RETSAT: variants seen among roughly 807,000 people sequenced by gnomAD.
The protein encoded by RETSAT is all-trans-retinol 13,14-reductase.
Under a neutral mutation model 61.6 loss-of-function variants are expected in RETSAT, and 35 were observed. The observed-to-expected ratio is 0.57, with a 90% CI of 0.43 to 0.75. RETSAT has a LOEUF of 0.75. Ranked by LOEUF, RETSAT falls within the 30% of genes least tolerant of loss-of-function variation. The pLI, the probability that RETSAT is intolerant of heterozygous loss-of-function variation, is 0.00. For synonymous variants in RETSAT, 277 were observed against 310.4 expected (o/e 0.89, Z 1.13); for missense variants, 670 against 759.5 (o/e 0.88, Z 1.38).
chr2:85,348,163 T>C lies in RETSAT; in HGVS notation c.997+1221A>G, dbSNP rs1456357123. Among the ~76,000 whole-genome samples, 5 of 152,260 alleles carry C rather than the reference T, an allele frequency of 3.3e-5. No homozygotes were observed. In the East Asian group the frequency reaches 9.6e-4, roughly 29 times the overall value. ...ACAGCATCAACCTGAGCCAGGGTAA[T>C]AACGTTCTGGGCCCCACTTTACAGA... On this transcript the variant is annotated intron_variant, in intron 5 of 10. Coordinates refer to ENST00000295802, the MANE Select transcript of RETSAT (RefSeq NM_017750.4).
At position 85,343,740 on chromosome 2, in the gene RETSAT, C is replaced by A; in HGVS notation, c.1592G>T (p.Arg531Leu). 6.2e-7 allele frequency: 1 copy of A among 1,614,022 alleles called. No homozygotes were observed. The highest frequency in any genetic ancestry group is 8.5e-7 in the Non-Finnish European group (1 of 1,179,884). The change falls in exon 10 of 11, where the codon CGA (arginine) becomes CTA (leucine). Residue 531 changes from arginine (R) to leucine (L), a missense_variant. Coordinates refer to ENST00000295802, the MANE Select transcript of RETSAT (RefSeq NM_017750.4). Reference protein sequence around the residue: ...LTNQFYLAAPRGACYGADHDL... With the variant: ...LTNQFYLAAPLGACYGADHDL... ...ATGGTCAGCCCCGTAGCAGGCACCT[C>A]GGGGAGCAGCCAGATAGAACTGGTT...
rs1206044963 is a variant in RETSAT at position 85,349,427 on chromosome 2, G to A, written c.954C>T (p.Ala318=). The change falls in exon 5 of 11, where the codon GCC becomes GCT. Residue 318 remains alanine, a synonymous_variant. Transcript: ENST00000295802. ...QRAGGAVLTK[A]TVQSVLLDSA... Reference sequence around the variant, plus strand: ...AGTCCAGCAACACACTCTGCACAGTGGCCTTTGTGAGGACAGCGCCCCCAG... The same window carrying A: ...AGTCCAGCAACACACTCTGCACAGTAGCCTTTGTGAGGACAGCGCCCCCAG... The A allele has an allele frequency of 6.2e-7, 1 of 1,614,188 alleles. No homozygotes were observed.
chr2:85,343,806 C>A lies in RETSAT; in HGVS notation c.1534-8G>T. Reference sequence around the variant, plus strand: ...TGCAGTCACACTCTCCACCTGAGGGCAGAAAGGGTGGGGCAGGCATGTGAG... The same window carrying A: ...TGCAGTCACACTCTCCACCTGAGGGAAGAAAGGGTGGGGCAGGCATGTGAG... On this transcript the variant is annotated splice_polypyrimidine_tract_variant and splice_region_variant and intron_variant, in intron 9 of 10. Coordinates refer to ENST00000295802, the MANE Select transcript of RETSAT (RefSeq NM_017750.4). 1.9e-6 allele frequency: 3 copies of A among 1,613,460 alleles called. No individual in the cohort carries two copies. The highest frequency in any genetic ancestry group is 8.5e-7 in the Non-Finnish European group (1 of 1,179,644).
chr2:85,354,429 C>T lies in RETSAT; in HGVS notation c.79G>A (p.Gly27Ser), dbSNP rs768015251. Residue 27 changes from glycine (G) to serine (S), a missense_variant, in exon 1 of 11, where the codon GGC (glycine) becomes AGC (serine). Gly to Ser is a moderately conservative substitution (Grantham distance 56). Coordinates refer to ENST00000295802, the MANE Select transcript of RETSAT (RefSeq NM_017750.4). ...LCKVYLGLFSGSSPNPFSEDV... is the reference protein window; with the variant it reads ...LCKVYLGLFSSSSPNPFSEDV... ...TCGGAGAAAGGATTCGGGGAGCTGC[C>T]AGAGAATAGTCCCAAGTAAACTTTG... 2 of 1,614,068 alleles carry T rather than the reference C, an allele frequency of 1.2e-6. No individual in the cohort carries two copies. Among genetic ancestry groups the T allele is most frequent in the African/African-American group, 2.7e-5 (2 of 74,932 alleles).
chr2:85,347,598 C>T (rs1237009968), intron 5 of RETSAT, among the ~76,000 whole-genome samples: 1 of 151,994 alleles, frequency 6.6e-6, no homozygotes, highest in Non-Finnish European at 1.5e-5. Context: ...GAACTCCCAA[C>T]CTCAGGTGAT....
intron 5 of RETSAT, among the ~76,000 whole-genome samples, chr2:85,347,363 G>T (rs922255280): frequency 6.6e-6 from 1 of 152,128 alleles, no homozygotes; most frequent in Non-Finnish European, 1.5e-5. Context: ...CAAGTAGCTA[G>T]GATTACAGGC....
intron 1 of RETSAT, among the ~76,000 whole-genome samples, chr2:85,353,631 T>A (rs1228574891): frequency 1.3e-5 from 2 of 152,246 alleles, no homozygotes; most frequent in Non-Finnish European, 2.9e-5. Flanking sequence ...AGATGATTAG[T>A]CCTTCCACTT....
chr2:85,347,821 A>G (rs1683226632), intron 5 of RETSAT, among the ~76,000 whole-genome samples: 1 of 152,212 alleles, frequency 6.6e-6, no homozygotes, highest in Admixed American at 6.5e-5. Flanking sequence ...CCCAACCAAC[A>G]GCCACCTCTC....
At position 85,344,158 on chromosome 2, in the gene RETSAT, G is replaced by A. The variant is rs377454302; in HGVS notation, c.1374C>T (p.Ser458=). Residue 458 remains serine, a synonymous_variant, in exon 9 of 11, where the codon TCC becomes TCT. Coordinates refer to ENST00000295802, the MANE Select transcript of RETSAT (RefSeq NM_017750.4). The part of the protein sequence containing the change: ...PTWEDRFPGR[S]TMIMLIPTAY... ...CAGTGGGTATGAGCATGATCATGGT[G>A]GACCGGCCTGGGGATCAGAGCTGAT... 9.9e-6 allele frequency: 16 copies of A among 1,613,984 alleles called. No homozygotes were observed. The highest frequency in any genetic ancestry group is 1.3e-5 in the African/African-American group (1 of 74,890).
At chr2:85,350,728 A>G in intron 3 of RETSAT, 52 bp downstream of exon 3, 1 of 1,608,104 alleles carries the variant, frequency 6.2e-7, no homozygotes, top group African/African-American at 1.3e-5. Context: ...AATAATAAAG[A>G]AACCCAGCCT....
At chr2:85,345,821 A>G in intron 6 of RETSAT, 154 bp downstream of exon 6, 1 of 902,300 alleles carries the variant, frequency 1.1e-6, no homozygotes, top group Non-Finnish European at 1.8e-6. Flanking sequence ...TAGGGTTAGG[A>G]TGATGTTAGA....
Position 85,350,238 on chromosome 2 carries a change from C to G in RETSAT, c.601G>C (p.Val201Leu). 6.2e-7 allele frequency: 1 copy of G among 1,613,256 alleles called. No individual in the cohort carries two copies. Among genetic ancestry groups the G allele is most frequent in the South Asian group, 1.1e-5 (1 of 91,064 alleles). The change falls in exon 4 of 11, where the codon GTA becomes CTA. Residue 201 changes from valine (V) to leucine (L), a missense_variant. Physicochemically the swap from Val to Leu is conservative, Grantham distance 32. Transcript: ENST00000295802. ...IDKYIKLVKV[V>L]SSGAPHAILL... is the part of the protein sequence containing the mutation. ...ATGGCATGAGGGGCTCCACTGGATA[C>G]CACCTGGGGGAGTGAATGAGGACAG... is the stretch of plus-strand genomic sequence containing the variant.
At position 85,344,119 on chromosome 2, in the gene RETSAT, A is replaced by G; in HGVS notation, c.1413T>C (p.Phe471=). The change falls in exon 9 of 11, where the codon TTT becomes TTC. Residue 471 remains phenylalanine, a synonymous_variant. Coordinates refer to ENST00000295802, the MANE Select transcript of RETSAT (RefSeq NM_017750.4). Reference sequence around the variant, plus strand: ...CCTTCAGCTCCGCCTGCCACTCCTCAAACCACTCGTAGGCAGTGGGTATGA... The same window carrying G: ...CCTTCAGCTCCGCCTGCCACTCCTCGAACCACTCGTAGGCAGTGGGTATGA... ...IMLIPTAYEW[F]EEWQAELKGK... is the part of the protein sequence containing the mutation. The G allele has an allele frequency of 6.2e-7, 1 of 1,614,068 alleles. No homozygotes were observed. The highest frequency in any genetic ancestry group is 8.5e-7 in the Non-Finnish European group (1 of 1,179,996).
rs1187015059 is a variant in RETSAT at position 85,343,791 on chromosome 2, C to T, written c.1541G>A (p.Ser514Asn). The T allele has an allele frequency of 2.0e-5, 32 of 1,613,672 alleles. No homozygotes were observed. Among genetic ancestry groups the T allele is most frequent in the Non-Finnish European group, 2.0e-5 (24 of 1,179,798 alleles). Reference sequence around the variant, plus strand: ...GGTGAGTGGGGATCCTGCAGTCACACTCTCCACCTGAGGGCAGAAAGGGTG... The same window carrying T: ...GGTGAGTGGGGATCCTGCAGTCACATTCTCCACCTGAGGGCAGAAAGGGTG... ...LFPQLEGKVE[S>N]VTAGSPLTNQ... is the part of the protein sequence containing the mutation. Residue 514 changes from serine (S) to asparagine (N), a missense_variant, in exon 10 of 11, where the codon AGT becomes AAT. By Grantham distance (46) the Ser-to-Asn change is conservative. Coordinates refer to ENST00000295802, the MANE Select transcript of RETSAT (RefSeq NM_017750.4).
rs767911616 is a variant in RETSAT at position 85,354,528 on chromosome 2, T to G, written c.-21A>C. On this transcript the variant is annotated 5_prime_UTR_variant, in exon 1 of 11. Transcript: ENST00000295802. ...CACATCACGCCGGCGTCGGGTCGGG[T>G]AAATGGGACAGCTCCGACTGCGCTC... 2.5e-6 allele frequency: 4 copies of G among 1,593,472 alleles called. No homozygotes were observed. Among genetic ancestry groups the G allele is most frequent in the Non-Finnish European group, 3.4e-6 (4 of 1,170,192 alleles).
In RETSAT at chr2:85,342,894, G is replaced by A. The variant is rs58145899; in HGVS notation, c.*348C>T. ...CAGGTTGAGCTGACAACACTGCCAG[G>A]GGTTCTATCCACAGATGGAATATTC... On this transcript the variant is annotated 3_prime_UTR_variant, in exon 11 of 11. Transcript: ENST00000295802. 2.8e-3 allele frequency: 686 copies of A among 248,312 alleles called. 7 individuals are homozygous for A. The highest frequency in any genetic ancestry group is 0.013 in the African/African-American group (595 of 44,336). The allele number at this position is 248,312 out of a possible 1,614,324, so 15.4% of individuals were successfully genotyped here. A position where few individuals can be genotyped will look rare whatever the true frequency, so the allele number is the denominator to read the frequency against.
In RETSAT at chr2:85,349,400, T is replaced by C. The variant is rs1683260707; in HGVS notation, c.981A>G (p.Ser327=). 1.2e-6 allele frequency: 2 copies of C among 1,614,078 alleles called. No homozygotes were observed. The highest frequency in any genetic ancestry group is 4.5e-5 in the East Asian group (2 of 44,872). Reference sequence around the variant, plus strand: ...GGCTCTCACCACAGGCTTTCCCAGCTGAGTCCAGCAACACACTCTGCACAG... The same window carrying C: ...GGCTCTCACCACAGGCTTTCCCAGCCGAGTCCAGCAACACACTCTGCACAG... The part of the protein sequence containing the change: ...KATVQSVLLD[S]AGKACGVSVK... Residue 327 remains serine (S), a synonymous_variant, in exon 5 of 11, where the codon TCA becomes TCG. Transcript: ENST00000295802.
chr2:85,344,633 G>C lies in RETSAT; in HGVS notation c.1217C>G (p.Thr406Ser), dbSNP rs746742085. 1.2e-6 allele frequency: 2 copies of C among 1,614,174 alleles called. No homozygotes were observed. The highest frequency in any genetic ancestry group is 3.3e-5 in the Admixed American group (2 of 60,014). Reference sequence around the variant, plus strand: ...CGTGTCATAGTAAACATAGTAGTTGGTGGACGGCAGATGCAGGTCTTCCTT... The same window carrying C: ...CGTGTCATAGTAAACATAGTAGTTGCTGGACGGCAGATGCAGGTCTTCCTT... Reference protein sequence around the residue: ...GTKEDLHLPSTNYYVYYDTDM... With the variant: ...GTKEDLHLPSSNYYVYYDTDM... Residue 406 changes from threonine (T) to serine (S), a missense_variant, in exon 7 of 11, where the codon ACC (threonine) becomes AGC (serine). Transcript: ENST00000295802.
chr2:85,344,196 C>A (rs181814741), intron 8 of RETSAT, 31 bp from the exon 9 acceptor site: 63 of 1,613,982 alleles, frequency 3.9e-5, no homozygotes, highest in Non-Finnish European at 5.2e-5. Context: ...TACTACTGCC[C>A]GGCCTCTCCC....
Sources: allele counts gnomAD v4.1 joint callset (sites outside exome capture counted in the v4.1 genomes callset), GRCh38; gene constraint gnomAD v4.1.1; transcripts MANE v1.5; gene names NCBI Gene and HGNC (gene_info 2026-07-23, HGNC 2026-07-21).